Variants in NMNAT2 observed in about 807,000 individuals in gnomAD.
NMNAT2 encodes the protein nicotinamide nucleotide adenylyltransferase 2, also known as nicotinamide/nicotinic acid mononucleotide adenylyltransferase 2.
A neutral mutation model predicts 41.6 loss-of-function variants in NMNAT2; 11 were observed. The observed-to-expected ratio is 0.26, with a 90% CI of 0.17 to 0.44. The LOEUF is 0.44. Ranked by LOEUF, NMNAT2 falls within the 20% of genes least tolerant of loss-of-function variation. The probability of loss-of-function intolerance (pLI) is 1.00; values close to 1 mark genes in which losing one functional copy is unlikely to be tolerated. For synonymous variants in NMNAT2, 148 were observed against 151.2 expected (o/e 0.98, Z 0.16); for missense variants, 288 against 407.7 (o/e 0.71, Z 2.53).
At chr1:183,368,541 A>G (rs1663462839) in intron 1 of NMNAT2, among the ~76,000 whole-genome samples, 1 of 152,048 alleles carries the variant, frequency 6.6e-6, no homozygotes, top group African/African-American at 2.4e-5. Context: ...AAGGAGCTCA[A>G]CCGCTTACAA....
At chr1:183,316,467 C>T (rs780135682) in intron 1 of NMNAT2, among the ~76,000 whole-genome samples, 1 of 152,142 alleles carries the variant, frequency 6.6e-6, no homozygotes, top group Admixed American at 6.5e-5. Flanking sequence ...TCTTTCTGAC[C>T]CATTTTCTTT....
chr1:183,364,972 C>T (rs548119127), intron 1 of NMNAT2, among the ~76,000 whole-genome samples: 1 of 152,088 alleles, frequency 6.6e-6, no homozygotes, highest in South Asian at 2.1e-4. Context: ...CAGAATCAGA[C>T]GAGGGTTCCC....
Position 183,252,714 on chromosome 1 carries a change from A to T in NMNAT2, c.851T>A (p.Val284Asp). 6.2e-7 allele frequency: 1 copy of T among 1,614,104 alleles called. No individual in the cohort carries two copies. Among genetic ancestry groups the T allele is most frequent in the South Asian group, 1.1e-5 (1 of 91,076 alleles). ...RLALQHGDGH[V>D]VDYLSQPVID... ...GACCGGCTGGGACAGGTAATCCACA[A>T]CATGGCCGTCCCCATGCTGCAGGGC... Residue 284 changes from valine to aspartate, a missense_variant, in exon 11 of 11, where the codon GTT becomes GAT. By Grantham distance (152) the Val-to-Asp change is radical. Coordinates refer to ENST00000287713, the MANE Select transcript of NMNAT2 (RefSeq NM_015039.4).
At chr1:183,405,674 T>C (rs1351368195) in intron 1 of NMNAT2, among the ~76,000 whole-genome samples, 1 of 152,260 alleles carries the variant, frequency 6.6e-6, no homozygotes, top group Non-Finnish European at 1.5e-5. Flanking sequence ...CAGAGCTCTT[T>C]TTATTTTTAT....
intron 1 of NMNAT2, among the ~76,000 whole-genome samples, chr1:183,339,547 G>T (rs1662750815): frequency 6.6e-6 from 1 of 151,826 alleles, no homozygotes; most frequent in Admixed American, 6.6e-5. Context: ...TCCCAGAGCT[G>T]AAGGTCCTTG....
At chr1:183,273,159 G>A (rs1359178166) in intron 8 of NMNAT2, among the ~76,000 whole-genome samples, 1 of 152,184 alleles carries the variant, frequency 6.6e-6, no homozygotes. Context: ...TCCATTTTCT[G>A]TACATCACCT....
intron 10 of NMNAT2, among the ~76,000 whole-genome samples, chr1:183,259,307 C>T (rs774069441): frequency 6.6e-6 from 1 of 152,160 alleles, no homozygotes; most frequent in African/African-American, 2.4e-5. Context: ...ATTGCTTCTG[C>T]CCTCACCTCA....
intron 4 of NMNAT2, among the ~76,000 whole-genome samples, chr1:183,289,700 G>T (rs961592140): frequency 6.6e-6 from 1 of 152,222 alleles, no homozygotes; most frequent in Admixed American, 6.5e-5. Context: ...AAGGGGGCCA[G>T]TGGGGCCCCC....
intron 1 of NMNAT2, among the ~76,000 whole-genome samples, chr1:183,407,385 T>C (rs1294664442): frequency 6.6e-6 from 1 of 152,218 alleles, no homozygotes; most frequent in Non-Finnish European, 1.5e-5. Context: ...TGTCCTGTTT[T>C]TTTTGGTTCT....
chr1:183,254,989 C>G (rs1660480608), intron 10 of NMNAT2, among the ~76,000 whole-genome samples: 1 of 152,178 alleles, frequency 6.6e-6, no homozygotes, highest in Admixed American at 6.5e-5. Flanking sequence ...ACATAATTGC[C>G]AAGACCAATG....
At chr1:183,317,605 A>G (rs1490706947) in intron 1 of NMNAT2, among the ~76,000 whole-genome samples, 1 of 151,454 alleles carries the variant, frequency 6.6e-6, no homozygotes, top group Non-Finnish European at 1.5e-5. Context: ...TCTCTTACCC[A>G]CTCCCTCATC....
intron 3 of NMNAT2, among the ~76,000 whole-genome samples, chr1:183,291,141 TCCTGA>T (rs1661529716): frequency 6.6e-6 from 1 of 152,128 alleles, no homozygotes. Context: ...GGTCTCAAAC[TCCTGA>T]CCTCAGGTGA....
intron 6 of NMNAT2, among the ~76,000 whole-genome samples, chr1:183,284,479 A>G (rs997499341): frequency 1.3e-5 from 2 of 152,198 alleles, no homozygotes; most frequent in African/African-American, 4.8e-5. Context: ...ACTTTTTCAC[A>G]TGGTGGAATG....
intron 1 of NMNAT2, among the ~76,000 whole-genome samples, chr1:183,388,655 G>A (rs1011735969): frequency 6.6e-6 from 1 of 152,148 alleles, no homozygotes; most frequent in Admixed American, 6.5e-5. Flanking sequence ...TCCTGTCAAA[G>A]TTATTTAAGG....
chr1:183,323,024 C>G (rs1255481165), intron 1 of NMNAT2, among the ~76,000 whole-genome samples: 2 of 152,144 alleles, frequency 1.3e-5, no homozygotes, highest in Admixed American at 6.5e-5. Context: ...CTCCGCCTCC[C>G]AGGTTCAAAT....
At chr1:183,313,535 A>G (rs1297215437) in intron 1 of NMNAT2, among the ~76,000 whole-genome samples, 1 of 150,794 alleles carries the variant, frequency 6.6e-6, no homozygotes, top group Non-Finnish European at 1.5e-5. Flanking sequence ...GCTGGAGTGC[A>G]GTGGTGCAAT....
intron 1 of NMNAT2, among the ~76,000 whole-genome samples, chr1:183,303,806 A>G (rs917685985): frequency 2.6e-5 from 4 of 152,242 alleles, no homozygotes; most frequent in African/African-American, 7.2e-5. Flanking sequence ...GTGGGACCAC[A>G]GGAGCCTACC....
chr1:183,280,765 G>A (rs1033142517), intron 7 of NMNAT2, among the ~76,000 whole-genome samples: 296 of 136,044 alleles, frequency 2.2e-3, no homozygotes, highest in Non-Finnish European at 3.6e-3. Context: ...GCTATTGTTA[G>A]TGTTAGTGTA....
intron 5 of NMNAT2, 68 bp from the exon 6 acceptor site, chr1:183,284,858 G>T: frequency 7.4e-7 from 1 of 1,348,940 alleles, no homozygotes; most frequent in Admixed American, 1.7e-5. Context: ...CACTCATGTC[G>T]GCCCGGCATT....
Sources: gnomAD v4.1 joint callset for allele counts (sites outside exome capture counted in the v4.1 genomes callset) on GRCh38, gnomAD v4.1.1 for gene constraint, MANE v1.5 for transcripts, NCBI Gene and HGNC (gene_info 2026-07-23, HGNC 2026-07-21) for gene names.